PTCD2: variants seen among roughly 807,000 people sequenced by gnomAD.
The protein encoded by PTCD2 is pentatricopeptide repeat domain 2.
PTCD2 carries 31 observed loss-of-function variants against 42.6 expected under a neutral mutation model. That is an observed-to-expected ratio of 0.73 (90% CI 0.55 to 0.98). The LOEUF (loss-of-function observed/expected upper bound fraction) is 0.98. Ranked by LOEUF, PTCD2 falls within the 50% of genes least tolerant of loss-of-function variation. The probability of loss-of-function intolerance (pLI) is 0.00; values close to 1 mark genes in which losing one functional copy is unlikely to be tolerated. For synonymous variants in PTCD2, 183 were observed against 170.9 expected (o/e 1.07, Z -0.55); for missense variants, 476 against 454.8 (o/e 1.05, Z -0.42).
In PTCD2 at chr5:72,358,657, C is replaced by A; in HGVS notation, c.*230C>A. 1 of 552,342 alleles carries A rather than the reference C, an allele frequency of 1.8e-6. No individual in the cohort carries two copies. Among genetic ancestry groups the A allele is most frequent in the Non-Finnish European group, 3.2e-6 (1 of 307,984 alleles). The allele number at this position is 552,342 out of a possible 1,614,324, so 34.2% of individuals were successfully genotyped here. On this transcript the variant is annotated 3_prime_UTR_variant, in exon 10 of 10. Transcript: ENST00000380639. ...CCCTCAGAAAGGCGCTTCCCTTTTGCATGGCTGAGGATCCTTGAAGGAACC... is the reference window on the plus strand; with the variant it reads ...CCCTCAGAAAGGCGCTTCCCTTTTGAATGGCTGAGGATCCTTGAAGGAACC...
intron 2 of PTCD2, among the ~76,000 whole-genome samples, chr5:72,324,673 G>A (rs988717030): frequency 1.3e-5 from 2 of 152,164 alleles, no homozygotes; most frequent in Non-Finnish European, 2.9e-5. Flanking sequence ...CAGGACAGAA[G>A]AGTCTTATTA....
intron 7 of PTCD2, among the ~76,000 whole-genome samples, chr5:72,339,146 A>G (rs894492803): frequency 1.3e-5 from 2 of 152,180 alleles, no homozygotes; most frequent in Non-Finnish European, 2.9e-5. Flanking sequence ...TCCAACTACT[A>G]CTGTTATTTG....
chr5:72,335,769 G>A (rs1406854709), intron 5 of PTCD2, 25 bp from the exon 6 acceptor site: 1 of 1,526,130 alleles, frequency 6.6e-7, no homozygotes. Context: ...CTCTAACACT[G>A]CGATCCACTC....
chr5:72,332,541 A>G (rs1751496514), intron 4 of PTCD2, among the ~76,000 whole-genome samples: 1 of 152,220 alleles, frequency 6.6e-6, no homozygotes, highest in South Asian at 2.1e-4. Context: ...TTTTTAATAA[A>G]CATATGTTAA....
chr5:72,333,525 T>A (rs1751553821), intron 4 of PTCD2, among the ~76,000 whole-genome samples: 1 of 152,148 alleles, frequency 6.6e-6, no homozygotes, highest in South Asian at 2.1e-4. Flanking sequence ...GCATAGTAGG[T>A]GATCGGAAAA....
chr5:72,350,336 A>G (rs1170730808), intron 8 of PTCD2, among the ~76,000 whole-genome samples: 2 of 152,252 alleles, frequency 1.3e-5, no homozygotes, highest in Non-Finnish European at 2.9e-5. Flanking sequence ...GCATCTTTGC[A>G]TCAGTTTCCT....
At chr5:72,324,393 C>T (rs988884701) in intron 2 of PTCD2, among the ~76,000 whole-genome samples, 13 of 152,190 alleles carry the variant, frequency 8.5e-5, no homozygotes, top group African/African-American at 2.7e-4. Flanking sequence ...CTGGCTCTCC[C>T]GTGATGGACT....
At chr5:72,333,853 T>G (rs1462490992) in intron 4 of PTCD2, among the ~76,000 whole-genome samples, 3 of 152,082 alleles carry the variant, frequency 2.0e-5, no homozygotes, top group East Asian at 1.9e-4. Flanking sequence ...CAACATACTG[T>G]TTTTTGGGGT....
rs1309170097 is a variant in PTCD2, at chr5:72,364,800, C to T, written c.*6373C>T. 1 of 152,098 alleles carries T rather than the reference C, an allele frequency of 6.6e-6. No homozygotes were observed. Among genetic ancestry groups the T allele is most frequent in the East Asian group, 1.9e-4 (1 of 5,186 alleles). 9.4% of individuals were successfully genotyped at this position (152,098 alleles called of 1,614,324 possible). On this transcript the variant is annotated 3_prime_UTR_variant, in exon 10 of 10. Coordinates refer to ENST00000380639, the MANE Select transcript of PTCD2 (RefSeq NM_024754.5). ...TGGCCAGTGCATTCATGTACTGGACCAGGGCCCCTGTATCTTGCAGTAATG... is the reference window on the plus strand; with the variant it reads ...TGGCCAGTGCATTCATGTACTGGACTAGGGCCCCTGTATCTTGCAGTAATG...
chr5:72,335,024 C>T lies in PTCD2; in HGVS notation c.475C>T (p.Arg159Ter), dbSNP rs766318241. The T allele has an allele frequency of 3.2e-5, 50 of 1,586,804 alleles. No individual in the cohort carries two copies. The highest frequency in any genetic ancestry group is 4.0e-5 in the Non-Finnish European group (46 of 1,156,052). ...TATTGTTCTTCTTCGTTAGCATTTA[C>T]GAGGTTTCTTCTCAGACTCCACATC... ...AVELMKDQHL[R>*]GFFSDSTSFN... Residue 159 changes from arginine (R) to a stop codon, truncating the protein, a stop_gained, in exon 5 of 10, where the codon CGA becomes TGA. Transcript: ENST00000380639. LOFTEE classifies it high-confidence loss of function.
At position 72,365,654 on chromosome 5, in the gene PTCD2, G is replaced by A. The variant is rs561083318; in HGVS notation, c.*7227G>A. On this transcript the variant is annotated 3_prime_UTR_variant, in exon 10 of 10. Transcript: ENST00000380639. ...TTCCATTTTATAGCTGCAAATTACT[G>A]GGTTGATGTCAGGTAGGGTGAGGAG... 4.6e-5 allele frequency: 7 copies of A among 152,316 alleles called. No individual in the cohort carries two copies. The highest frequency in any genetic ancestry group is 1.2e-4 in the African/African-American group (5 of 41,576). 9.4% of individuals were successfully genotyped at this position (152,316 alleles called of 1,614,324 possible). A position where few individuals can be genotyped will look rare whatever the true frequency, so the allele number is the denominator to read the frequency against.
In PTCD2 at chr5:72,358,987, G is replaced by A. The variant is rs188992229; in HGVS notation, c.*560G>A. 3 of 152,752 alleles carry A rather than the reference G, an allele frequency of 2.0e-5. No individual in the cohort carries two copies. In the East Asian group the frequency reaches 5.8e-4, roughly 29 times the overall value. The allele number at this position is 152,752 out of a possible 1,614,324, so 9.5% of individuals were successfully genotyped here. A position where few individuals can be genotyped will look rare whatever the true frequency, so the allele number is the denominator to read the frequency against. On this transcript the variant is annotated 3_prime_UTR_variant, in exon 10 of 10. Transcript: ENST00000380639. ...GAAATCTTCATTCAAGGTTTAGTAG[G>A]ATCATATTTTCTCAAAAATAAGAGA...
intron 8 of PTCD2, among the ~76,000 whole-genome samples, chr5:72,344,201 T>C (rs1321356263): frequency 6.6e-6 from 1 of 152,060 alleles, no homozygotes; most frequent in Non-Finnish European, 1.5e-5. Context: ...TTGGTTTTGG[T>C]GGAGCATCTA....
intron 8 of PTCD2, among the ~76,000 whole-genome samples, chr5:72,352,081 C>T (rs1259490697): frequency 6.6e-6 from 1 of 152,124 alleles, no homozygotes; most frequent in East Asian, 1.9e-4. Flanking sequence ...GATTTCAGCC[C>T]GAGTATCCAG....
At chr5:72,333,778 T>C (rs1751566893) in intron 4 of PTCD2, among the ~76,000 whole-genome samples, 1 of 152,248 alleles carries the variant, frequency 6.6e-6, no homozygotes, top group Admixed American at 6.5e-5. Flanking sequence ...AAAATGAGTA[T>C]GTGAAGTAAT....
At position 72,362,067 on chromosome 5, in the gene PTCD2, C is replaced by T. The variant is rs1178226321; in HGVS notation, c.*3640C>T. ...TCAGAGGATTAGTACTTATTTAACTCACCAGCTCATTTAACTATATTGTAT... is the reference window on the plus strand; with the variant it reads ...TCAGAGGATTAGTACTTATTTAACTTACCAGCTCATTTAACTATATTGTAT... On this transcript the variant is annotated 3_prime_UTR_variant, in exon 10 of 10. Coordinates refer to ENST00000380639, the MANE Select transcript of PTCD2 (RefSeq NM_024754.5). 2 of 152,192 alleles carry T rather than the reference C, an allele frequency of 1.3e-5. No individual in the cohort carries two copies. The highest frequency in any genetic ancestry group is 3.8e-4 in the East Asian group (2 of 5,198). The allele number at this position is 152,192 out of a possible 1,614,324, so 9.4% of individuals were successfully genotyped here. A position where few individuals can be genotyped will look rare whatever the true frequency, so the allele number is the denominator to read the frequency against.
chr5:72,325,685 A>G (rs1452857771), intron 2 of PTCD2, among the ~76,000 whole-genome samples: 1 of 152,178 alleles, frequency 6.6e-6, no homozygotes, highest in Non-Finnish European at 1.5e-5. Flanking sequence ...CTTGTGTTTT[A>G]GATGTATTTG....
chr5:72,338,168 G>A (rs971668148), intron 6 of PTCD2, among the ~76,000 whole-genome samples: 1 of 152,154 alleles, frequency 6.6e-6, no homozygotes, highest in African/African-American at 2.4e-5. Context: ...TATAATTTAT[G>A]TTCAAATTAG....
intron 3 of PTCD2, 102 bp downstream of exon 3, chr5:72,326,843 A>T: frequency 8.8e-7 from 1 of 1,135,778 alleles, no homozygotes; most frequent in Non-Finnish European, 1.3e-6. Context: ...CCTCTATACT[A>T]GTGACTTCCA....
Sources: allele counts gnomAD v4.1 joint callset (sites outside exome capture counted in the v4.1 genomes callset), GRCh38; gene constraint gnomAD v4.1.1; transcripts MANE v1.5; gene names NCBI Gene and HGNC (gene_info 2026-07-23, HGNC 2026-07-21).